CALN1: variants seen among roughly 807,000 people sequenced by gnomAD.
CALN1 encodes the protein calcium-binding protein 8.
A neutral mutation model predicts 30.6 loss-of-function variants in CALN1; 17 were observed. The observed-to-expected ratio is 0.56, with a 90% confidence interval of 0.38 to 0.83. CALN1 has a LOEUF of 0.83. CALN1 is among the 40% of genes least tolerant of loss of function. The probability of loss-of-function intolerance (pLI) is 0.00; values close to 1 mark genes in which losing one functional copy is unlikely to be tolerated. For synonymous variants in CALN1, 156 were observed against 131.4 expected (o/e 1.19, Z -1.28); for missense variants, 291 against 354.9 (o/e 0.82, Z 1.45).
intron 3 of CALN1, among the ~76,000 whole-genome samples, chr7:72,126,028 T>C (rs945959953): frequency 2.6e-5 from 4 of 152,058 alleles, no homozygotes; most frequent in Non-Finnish European, 4.4e-5. Flanking sequence ...CTCAAACTCC[T>C]GACCTCATGA....
chr7:72,177,563 G>A (rs914173146), intron 3 of CALN1, among the ~76,000 whole-genome samples: 8 of 152,076 alleles, frequency 5.3e-5, no homozygotes, highest in Admixed American at 2.6e-4. Context: ...TCAGGAGTTC[G>A]AGACCAGCCT....
At chr7:71,939,815 G>A (rs544662847) in intron 5 of CALN1, among the ~76,000 whole-genome samples, 103 of 152,072 alleles carry the variant, frequency 6.8e-4, no homozygotes, top group Non-Finnish European at 1.2e-3. Context: ...GGCTGGCATG[G>A]TGCATTTCTA....
intron 5 of CALN1, among the ~76,000 whole-genome samples, chr7:71,984,460 G>A (rs1436838880): frequency 6.6e-6 from 1 of 152,208 alleles, no homozygotes; most frequent in Non-Finnish European, 1.5e-5. Context: ...CAAGAATGAT[G>A]TTATCCAGGT....
chr7:72,057,574 A>G (rs148892692), intron 4 of CALN1, among the ~76,000 whole-genome samples: 5 of 152,118 alleles, frequency 3.3e-5, no homozygotes, highest in African/African-American at 1.2e-4. Flanking sequence ...CAGAAGTAAC[A>G]TACGTGTATT....
At chr7:72,380,032 T>C (rs949582429) in intron 2 of CALN1, among the ~76,000 whole-genome samples, 1 of 152,176 alleles carries the variant, frequency 6.6e-6, no homozygotes, top group South Asian at 2.1e-4. Context: ...GTATTATAAA[T>C]AGGGTATTTG....
intron 3 of CALN1, among the ~76,000 whole-genome samples, chr7:72,188,260 G>T (rs556729532): frequency 1.3e-5 from 2 of 151,944 alleles, no homozygotes; most frequent in South Asian, 4.2e-4. Context: ...AAGAAACTGA[G>T]ATATATATAC....
chr7:72,401,915 T>C (rs1198853013), intron 2 of CALN1, among the ~76,000 whole-genome samples: 1 of 152,152 alleles, frequency 6.6e-6, no homozygotes, highest in Non-Finnish European at 1.5e-5. Context: ...CCCACCCCCT[T>C]TTCCAGGGGA....
intron 1 of CALN1, among the ~76,000 whole-genome samples, chr7:72,437,271 T>C (rs982586242): frequency 1.3e-5 from 2 of 152,104 alleles, no homozygotes; most frequent in Non-Finnish European, 2.9e-5. Flanking sequence ...GGCCTCAGTT[T>C]TTTCATTCGG....
At chr7:72,289,214 G>T (rs1394897213) in intron 2 of CALN1, among the ~76,000 whole-genome samples, 1 of 152,098 alleles carries the variant, frequency 6.6e-6, no homozygotes, top group Non-Finnish European at 1.5e-5. Flanking sequence ...TCAGATATAG[G>T]TGCTCTCCAA....
intron 2 of CALN1, among the ~76,000 whole-genome samples, chr7:72,353,786 TG>T (rs1803071483): frequency 6.6e-6 from 1 of 152,118 alleles, no homozygotes; most frequent in African/African-American, 2.4e-5. Flanking sequence ...GCAACATGAT[TG>T]TGTAAATTAA....
chr7:71,933,640 C>A (rs565515154), intron 5 of CALN1, among the ~76,000 whole-genome samples: 4 of 152,290 alleles, frequency 2.6e-5, no homozygotes, highest in Non-Finnish European at 5.9e-5. Context: ...GTCTTACTCA[C>A]CTCTGAATCC....
chr7:72,080,741 AG>A (rs1294349290), intron 4 of CALN1, among the ~76,000 whole-genome samples: 2 of 152,184 alleles, frequency 1.3e-5, no homozygotes, highest in Non-Finnish European at 2.9e-5. Context: ...ATGCTCTGAT[AG>A]GTCAGAGAAC....
intron 3 of CALN1, among the ~76,000 whole-genome samples, chr7:72,209,027 TC>T: frequency 7.2e-4 from 3 of 4,164 alleles, no homozygotes; most frequent in African/African-American, 3.1e-3. Context: ...CTTCCTTCCC[TC>T]CTTCCTTCTC....
chr7:71,962,472 A>G (rs1265867689), intron 5 of CALN1, among the ~76,000 whole-genome samples: 1 of 152,158 alleles, frequency 6.6e-6, no homozygotes, highest in Non-Finnish European at 1.5e-5. Context: ...CCATGCTGCG[A>G]ACTGCTGGCA....
chr7:72,492,627 C>T, the CALN1 span, among the ~76,000 whole-genome samples: 8 of 152,216 alleles, frequency 5.3e-5, no homozygotes, highest in Non-Finnish European at 1.0e-4. Context: ...GTGGGGGCAC[C>T]ATGCCAACCG....
At chr7:72,205,551 A>AAATATATACATATATATGTGTATATATAT in intron 3 of CALN1, among the ~76,000 whole-genome samples, 2 of 83,052 alleles carry the variant, frequency 2.4e-5, no homozygotes, top group Non-Finnish European at 2.0e-5. Context: ...GCAAAAAAAA[A>AAATATATACATATATATGTGTATATATAT]ATATATATAT....
intron 3 of CALN1, among the ~76,000 whole-genome samples, chr7:72,160,237 G>GT (rs1788002529): frequency 6.6e-6 from 1 of 151,776 alleles, no homozygotes; most frequent in Admixed American, 6.6e-5. Context: ...AGAGACATCC[G>GT]TCATAATCAT....
chr7:72,096,315 C>T (rs143263517), intron 4 of CALN1, among the ~76,000 whole-genome samples: 1,987 of 152,252 alleles, frequency 0.013, 20 homozygotes, highest in Non-Finnish European at 0.019. Flanking sequence ...TTACTTCCTT[C>T]ATCAGGTTTT....
chr7:72,218,657 T>C (rs1025322145), intron 3 of CALN1, among the ~76,000 whole-genome samples: 4 of 152,142 alleles, frequency 2.6e-5, no homozygotes, highest in African/African-American at 9.7e-5. Context: ...GTATACAATG[T>C]CTAAGTAAAC....
Sources: gnomAD v4.1 joint callset for allele counts (sites outside exome capture counted in the v4.1 genomes callset) on GRCh38, gnomAD v4.1.1 for gene constraint, MANE v1.5 for transcripts, NCBI Gene and HGNC (gene_info 2026-07-23, HGNC 2026-07-21) for gene names.